AUH: variants seen among roughly 807,000 people sequenced by gnomAD.
The protein encoded by AUH is methylglutaconyl-CoA hydratase, mitochondrial.
Under a neutral mutation model 42.3 loss-of-function variants are expected in AUH, and 29 were observed. The observed-to-expected ratio is 0.69, with a 90% CI of 0.51 to 0.93. The LOEUF is 0.93. Ranked by LOEUF, AUH falls within the 40% of genes least tolerant of loss-of-function variation. The probability of loss-of-function intolerance (pLI) is 0.00; values close to 1 mark genes in which losing one functional copy is unlikely to be tolerated. For synonymous variants in AUH, 174 were observed against 166.4 expected (o/e 1.05, Z -0.35); for missense variants, 452 against 438.1 (o/e 1.03, Z -0.28).
chr9:91,314,933 T>C (rs1014401438), intron 4 of AUH, among the ~76,000 whole-genome samples: 7 of 152,236 alleles, frequency 4.6e-5, no homozygotes, highest in African/African-American at 7.2e-5. Context: ...CATCTGCTTC[T>C]TCTTTTTTGA....
At chr9:91,338,273 G>T (rs983457995) in intron 3 of AUH, among the ~76,000 whole-genome samples, 1 of 152,172 alleles carries the variant, frequency 6.6e-6, no homozygotes, top group Admixed American at 6.5e-5. Context: ...TTTCTGAAAC[G>T]TGATGACACC....
At chr9:91,305,281 CAT>C (rs1263094182) in intron 4 of AUH, among the ~76,000 whole-genome samples, 2 of 152,176 alleles carry the variant, frequency 1.3e-5, no homozygotes, top group Admixed American at 6.5e-5. Context: ...TATAACTACA[CAT>C]GAGCTTATTC....
chr9:91,293,530 C>T (rs1324566066), intron 6 of AUH, among the ~76,000 whole-genome samples: 1 of 152,238 alleles, frequency 6.6e-6, no homozygotes, highest in Non-Finnish European at 1.5e-5. Flanking sequence ...AAAGCCCTAA[C>T]TCTCTTTAAC....
At chr9:91,353,606 G>A (rs781194521) in intron 3 of AUH, among the ~76,000 whole-genome samples, 3 of 151,780 alleles carry the variant, frequency 2.0e-5, no homozygotes, top group Admixed American at 1.3e-4. Flanking sequence ...TTGGGAGGCC[G>A]AGGTGAGCGG....
At chr9:91,249,610 C>T (rs1397575) in intron 6 of AUH, among the ~76,000 whole-genome samples, 42,150 of 151,994 alleles carry the variant, frequency 0.28, 6,977 homozygotes, top group African/African-American at 0.45. Context: ...TTGCTCATGA[C>T]TATGAATACA....
intron 3 of AUH, among the ~76,000 whole-genome samples, chr9:91,340,265 G>A (rs1394865134): frequency 6.6e-6 from 1 of 152,152 alleles, no homozygotes. Context: ...TAATAGGCAT[G>A]TGTCCTATCT....
chr9:91,331,341 T>G (rs1338984488), intron 3 of AUH, among the ~76,000 whole-genome samples: 1 of 152,232 alleles, frequency 6.6e-6, no homozygotes, highest in East Asian at 1.9e-4. Flanking sequence ...TGAATGGCAG[T>G]ATCATAGCCA....
chr9:91,299,133 C>T (rs901032837), intron 4 of AUH, among the ~76,000 whole-genome samples: 2 of 152,106 alleles, frequency 1.3e-5, no homozygotes, highest in Admixed American at 1.3e-4. Flanking sequence ...GCAGGAGAAT[C>T]GCGTAAACCC....
intron 6 of AUH, among the ~76,000 whole-genome samples, chr9:91,264,145 G>A (rs181661435): frequency 6.6e-6 from 1 of 152,190 alleles, no homozygotes; most frequent in East Asian, 1.9e-4. Flanking sequence ...TTATATGTGT[G>A]TGTGTATATA....
At chr9:91,330,784 T>C (rs1335713237) in intron 3 of AUH, among the ~76,000 whole-genome samples, 3 of 152,186 alleles carry the variant, frequency 2.0e-5, no homozygotes, top group Non-Finnish European at 4.4e-5. Context: ...CCTGCAAATA[T>C]GTTCAATGGA....
chr9:91,284,165 T>C (rs866439273), intron 6 of AUH, among the ~76,000 whole-genome samples: 13 of 152,036 alleles, frequency 8.6e-5, no homozygotes, highest in East Asian at 3.9e-4. Flanking sequence ...ACCACACATC[T>C]ACAACCATCT....
chr9:91,298,691 G>A lies in AUH; in HGVS notation c.506-615C>T, dbSNP rs190662188. Among the ~76,000 whole-genome samples, 95 of 152,258 alleles carry A rather than the reference G, an allele frequency of 6.2e-4. 1 individual carries two copies. In the East Asian group the frequency reaches 0.013, roughly 20 times the overall value. The stretch of plus-strand genomic sequence containing the variant: ...CTGCTCACAAGCATGCCTGGAAAGG[G>A]GTCAGCCAGTCACAGAACTAAAAGC... On this transcript the variant is annotated intron_variant, in intron 4 of 9. Transcript: ENST00000375731.
chr9:91,216,137 G>A, intron 8 of AUH, 31 bp from the exon 9 acceptor site: 1 of 1,602,778 alleles, frequency 6.2e-7, no homozygotes, highest in Non-Finnish European at 8.5e-7. Context: ...CATTTCAGCA[G>A]AAATAACTTT....
chr9:91,229,038 G>C (rs1436181438), intron 6 of AUH, among the ~76,000 whole-genome samples: 1 of 151,652 alleles, frequency 6.6e-6, no homozygotes, highest in Admixed American at 6.6e-5. Flanking sequence ...CTGTTGATTT[G>C]GGGTGGAGAG....
chr9:91,241,026 C>T (rs889620244), intron 6 of AUH, among the ~76,000 whole-genome samples: 8 of 152,246 alleles, frequency 5.3e-5, no homozygotes, highest in African/African-American at 1.7e-4. Flanking sequence ...CTGGGTCACA[C>T]AAAAGTGACC....
At chr9:91,279,854 T>C (rs976713852) in intron 6 of AUH, among the ~76,000 whole-genome samples, 1 of 152,244 alleles carries the variant, frequency 6.6e-6, no homozygotes, top group African/African-American at 2.4e-5. Flanking sequence ...CAGGTAGACA[T>C]GGCTAGTCAT....
In AUH at chr9:91,361,832, C is replaced by G. The variant is rs753840663; in HGVS notation, c.58G>C (p.Ala20Pro). Residue 20 changes from alanine (A) to proline (P), a missense_variant, in exon 1 of 10, where the codon GCC becomes CCC. Physicochemically the swap from Ala to Pro is conservative, Grantham distance 27. Transcript: ENST00000375731. The stretch of plus-strand genomic sequence containing the variant: ...GCACTGCAAGCGGCCACCAGGCGGG[C>G]GCCGCCAGCATGCAGGGATCCCAAG... ...GALGSLHAGG[A>P]RLVAACSAWL... 6.7e-7 allele frequency: 1 copy of G among 1,502,412 alleles called. No homozygotes were observed. Among genetic ancestry groups the G allele is most frequent in the South Asian group, 1.3e-5 (1 of 79,904 alleles). 93.1% of individuals were successfully genotyped at this position (1,502,412 alleles called of 1,614,324 possible).
intron 6 of AUH, among the ~76,000 whole-genome samples, chr9:91,294,466 T>G (rs1205099948): frequency 6.6e-6 from 1 of 152,180 alleles, no homozygotes; most frequent in Admixed American, 6.5e-5. Context: ...GAGAATCCCT[T>G]GAACCGGGGA....
chr9:91,278,036 G>T (rs912421909), intron 6 of AUH, among the ~76,000 whole-genome samples: 1 of 152,176 alleles, frequency 6.6e-6, no homozygotes, highest in Non-Finnish European at 1.5e-5. Context: ...GAGGCAGCAG[G>T]TGAGTTTTAA....
Sources: gnomAD v4.1 joint callset for allele counts (sites outside exome capture counted in the v4.1 genomes callset) on GRCh38, gnomAD v4.1.1 for gene constraint, MANE v1.5 for transcripts, NCBI Gene and HGNC (gene_info 2026-07-23, HGNC 2026-07-21) for gene names.